Variants in ACYP2 observed in about 807,000 individuals in gnomAD.
The protein encoded by ACYP2 is acylphosphatase-2.
Under a neutral mutation model 11.2 loss-of-function variants are expected in ACYP2, and 12 were observed. The observed-to-expected ratio is 1.08, with a 90% confidence interval of 0.69 to 1.74. The LOEUF is 1.74. Among genes scored for constraint, ACYP2 ranks in the 40% most tolerant of loss-of-function variants. The pLI, the probability that ACYP2 is intolerant of heterozygous loss-of-function variation, is 0.00. For missense variants in ACYP2, 134 were observed against 101.9 expected, an observed-to-expected ratio of 1.31 and a Z score of -1.35; for synonymous variants, 43 against 32.2, an observed-to-expected ratio of 1.33 and a Z score of -1.13.
chr2:54,019,371 C>G (rs1380070537), intron 2 of ACYP2, among the ~76,000 whole-genome samples: 3 of 151,596 alleles, frequency 2.0e-5, no homozygotes, highest in Admixed American at 6.6e-5. Context: ...TGAGCTTGGC[C>G]TTTATTTTAA....
At chr2:54,256,866 C>G (rs536205882) in intron 6 of ACYP2, among the ~76,000 whole-genome samples, 1 of 152,104 alleles carries the variant, frequency 6.6e-6, no homozygotes, top group African/African-American at 2.4e-5. Flanking sequence ...CATGGTTTTG[C>G]CATGTTGGCC....
At chr2:54,211,906 G>GTC (rs142740126) in intron 6 of ACYP2, among the ~76,000 whole-genome samples, 56 of 151,396 alleles carry the variant, frequency 3.7e-4, no homozygotes, top group East Asian at 3.7e-3. Flanking sequence ...CTTTCTTTCT[G>GTC]TCTCTCTCTC....
chr2:54,245,354 T>C (rs1308028289), intron 6 of ACYP2, among the ~76,000 whole-genome samples: 2 of 152,224 alleles, frequency 1.3e-5, no homozygotes, highest in African/African-American at 2.4e-5. Context: ...GGGGTGCAGA[T>C]ACCTCTTCAA....
At chr2:54,152,165 T>TGCTGTGTA (rs375688374) in intron 6 of ACYP2, among the ~76,000 whole-genome samples, 6 of 145,192 alleles carry the variant, frequency 4.1e-5, no homozygotes, top group Admixed American at 7.1e-5. Flanking sequence ...GTTCCCAGGC[T>TGCTGTGTA]GCTGTGTAAT....
chr2:54,256,118 T>G, intron 6 of ACYP2: 5 of 1,613,866 alleles, frequency 3.1e-6, no homozygotes, highest in Non-Finnish European at 4.2e-6. Context: ...TAGTCGAGAG[T>G]AGCGGGGCTG....
chr2:54,180,921 A>C (rs1683682607), intron 6 of ACYP2, among the ~76,000 whole-genome samples: 1 of 152,088 alleles, frequency 6.6e-6, no homozygotes, highest in Non-Finnish European at 1.5e-5. Flanking sequence ...TCACAACCTA[A>C]TCACCTTTTA....
intron 6 of ACYP2, among the ~76,000 whole-genome samples, chr2:54,178,570 A>C (rs1006034675): frequency 1.2e-4 from 19 of 152,224 alleles, no homozygotes; most frequent in Non-Finnish European, 2.2e-4. Flanking sequence ...TGTAAACAGT[A>C]CTTTTACTTG....
chr2:54,259,341 T>C (rs767440331), intron 6 of ACYP2, among the ~76,000 whole-genome samples: 8 of 152,198 alleles, frequency 5.3e-5, no homozygotes, highest in Non-Finnish European at 8.8e-5. Context: ...ATAATCAGCA[T>C]GCATGGAATT....
At chr2:53,984,081 C>T (rs1004625102) in intron 2 of ACYP2, among the ~76,000 whole-genome samples, 5 of 151,906 alleles carry the variant, frequency 3.3e-5, no homozygotes, top group Admixed American at 6.6e-5. Flanking sequence ...TCATCATCAC[C>T]ATCATCATCA....
At chr2:54,186,256 A>G (rs1255162475) in intron 6 of ACYP2, among the ~76,000 whole-genome samples, 2 of 152,220 alleles carry the variant, frequency 1.3e-5, no homozygotes, top group African/African-American at 4.8e-5. Flanking sequence ...CAACTTTTAG[A>G]AAAACAAGAG....
chr2:53,982,828 CTGTGTGTG>C (rs3066946), intron 2 of ACYP2, among the ~76,000 whole-genome samples: 7,569 of 140,552 alleles, frequency 0.054, 282 homozygotes, highest in East Asian at 0.19. Context: ...TCACACAAGA[CTGTGTGTG>C]TGTGTGTGTG....
At chr2:54,220,654 A>C (rs1685761905) in intron 6 of ACYP2, among the ~76,000 whole-genome samples, 1 of 152,228 alleles carries the variant, frequency 6.6e-6, no homozygotes, top group African/African-American at 2.4e-5. Context: ...AGTCTGATTC[A>C]ATTGAAACAC....
At chr2:53,977,788 T>A (rs1337159734) in intron 2 of ACYP2, among the ~76,000 whole-genome samples, 1 of 151,658 alleles carries the variant, frequency 6.6e-6, no homozygotes, top group Non-Finnish European at 1.5e-5. Context: ...CCAGTAACGC[T>A]GCCTCAAATT....
At chr2:54,268,835 TC>T (rs1286765980) in intron 6 of ACYP2, among the ~76,000 whole-genome samples, 7 of 152,116 alleles carry the variant, frequency 4.6e-5, no homozygotes, top group African/African-American at 1.7e-4. Flanking sequence ...TGTGAGTTTT[TC>T]TTTTTTTTCC....
At chr2:54,077,455 C>G (rs1677406270) in intron 4 of ACYP2, among the ~76,000 whole-genome samples, 1 of 152,188 alleles carries the variant, frequency 6.6e-6, no homozygotes, top group South Asian at 2.1e-4. Context: ...AATGCTAACT[C>G]AGAGCTAGTG....
chr2:54,242,295 T>A (rs1686760384), intron 6 of ACYP2, among the ~76,000 whole-genome samples: 1 of 152,222 alleles, frequency 6.6e-6, no homozygotes, highest in African/African-American at 2.4e-5. Flanking sequence ...GTAGATAGAA[T>A]ACCCTTTGAG....
intron 6 of ACYP2, chr2:54,255,146 G>A (rs1265926162): frequency 1.2e-6 from 2 of 1,614,170 alleles, no homozygotes; most frequent in African/African-American, 1.3e-5. Flanking sequence ...AAGGACTGGG[G>A]TCCATGGCCC....
At chr2:54,013,269 G>C (rs755187587) in intron 2 of ACYP2, among the ~76,000 whole-genome samples, 3 of 113,924 alleles carry the variant, frequency 2.6e-5, no homozygotes, top group African/African-American at 1.2e-4. Context: ...GTGTGTGTGT[G>C]TGTGTGTGTG....
At chr2:54,243,831 T>C (rs1384998328) in intron 6 of ACYP2, among the ~76,000 whole-genome samples, 4 of 152,166 alleles carry the variant, frequency 2.6e-5, no homozygotes, top group Non-Finnish European at 5.9e-5. Flanking sequence ...TGCCTTGGCC[T>C]TCCAAAGTGC....
Sources: gnomAD v4.1 joint callset for allele counts (sites outside exome capture counted in the v4.1 genomes callset) on GRCh38, gnomAD v4.1.1 for gene constraint, MANE v1.5 for transcripts, NCBI Gene and HGNC (gene_info 2026-07-23, HGNC 2026-07-21) for gene names.